TUNAR: variants seen among roughly 807,000 people sequenced by gnomAD.
The protein encoded by TUNAR is protein TUNAR.
intron 2 of TUNAR, among the ~76,000 whole-genome samples, chr14:95,885,926 AT>A (rs941292871): frequency 1.3e-5 from 2 of 152,004 alleles, no homozygotes; most frequent in African/African-American, 4.8e-5. Context: ...GCTTGTCTGT[AT>A]CTGTTGTCTG....
At chr14:95,898,452 G>A (rs1566788139) in intron 2 of TUNAR, among the ~76,000 whole-genome samples, 2 of 152,156 alleles carry the variant, frequency 1.3e-5, no homozygotes, top group South Asian at 2.1e-4. Flanking sequence ...TAATGGAACT[G>A]ATTGTTTTAA....
At chr14:95,877,169 C>G (rs1888900974) in exon 2 of TUNAR, 1 of 152,302 alleles carries the variant, frequency 6.6e-6, no homozygotes, top group African/African-American at 2.4e-5. Context: ...CCTCCGGATG[C>G]GCTTCTCGGT....
chr14:95,887,038 G>C lies in TUNAR; in HGVS notation c.12+9861G>C, dbSNP rs146833866. The stretch of plus-strand genomic sequence containing the variant: ...AATTTAGTAGCAAGTTATCAGAGCA[G>C]ATTAGAATGGTTGTCAGGATCTGGG... On this transcript the variant is annotated intron_variant, in intron 2 of 2. Transcript: ENST00000678517. 1.9e-4 allele frequency among the ~76,000 whole-genome samples: 29 copies of C among 152,312 alleles called. No homozygotes were observed. The East Asian group carries it at 5.4e-3, about 28-fold the overall frequency.
At chr14:95,903,911 T>C (rs1188780948) in intron 2 of TUNAR, among the ~76,000 whole-genome samples, 1 of 151,896 alleles carries the variant, frequency 6.6e-6, no homozygotes, top group East Asian at 1.9e-4. Flanking sequence ...CTCAGGGGAG[T>C]TGGATACTGG....
intron 2 of TUNAR, among the ~76,000 whole-genome samples, chr14:95,899,315 G>C (rs948928690): frequency 2.0e-5 from 3 of 152,102 alleles, no homozygotes; most frequent in African/African-American, 2.4e-5. Flanking sequence ...TCCACTCCCA[G>C]GTATCCCACA....
chr14:95,922,254 C>T (rs1712248990), intron 2 of TUNAR, among the ~76,000 whole-genome samples: 1 of 152,202 alleles, frequency 6.6e-6, no homozygotes, highest in Non-Finnish European at 1.5e-5. Context: ...AGACCCTTTA[C>T]CATCCTGCCT....
intron 2 of TUNAR, among the ~76,000 whole-genome samples, chr14:95,901,812 ATGAAG>A (rs923373675): frequency 6.6e-6 from 1 of 152,188 alleles, no homozygotes; most frequent in African/African-American, 2.4e-5. Context: ...TTTGATGAAA[ATGAAG>A]TGTAGGGTAC....
At chr14:95,922,162 T>G (rs559650518) in intron 2 of TUNAR, among the ~76,000 whole-genome samples, 4 of 152,340 alleles carry the variant, frequency 2.6e-5, no homozygotes, top group African/African-American at 9.6e-5. Context: ...GCCTGGAAAC[T>G]TTCTGGAATG....
chr14:95,899,720 T>C (rs1889319701), intron 2 of TUNAR, among the ~76,000 whole-genome samples: 1 of 152,092 alleles, frequency 6.6e-6, no homozygotes, highest in Non-Finnish European at 1.5e-5. Context: ...GAGAGCTGTC[T>C]TCTGGGGTCC....
intron 2 of TUNAR, among the ~76,000 whole-genome samples, chr14:95,883,654 G>T (rs1301583109): frequency 6.6e-6 from 1 of 152,178 alleles, no homozygotes; most frequent in East Asian, 1.9e-4. Context: ...TGGGGCTGGT[G>T]GGGAGAGCCC....
intron 2 of TUNAR, among the ~76,000 whole-genome samples, chr14:95,896,788 GTA>G: frequency 6.6e-6 from 1 of 152,236 alleles, no homozygotes. Context: ...CGGCAGCAGA[GTA>G]CTCTGCAGTT....
At chr14:95,906,480 T>C (rs566622413) in intron 2 of TUNAR, among the ~76,000 whole-genome samples, 9 of 152,262 alleles carry the variant, frequency 5.9e-5, no homozygotes, top group Non-Finnish European at 1.3e-4. Flanking sequence ...TATTTAATTC[T>C]AGTATACACT....
intron 2 of TUNAR, among the ~76,000 whole-genome samples, chr14:95,884,464 A>T (rs1323181227): frequency 6.6e-6 from 1 of 152,278 alleles, no homozygotes; most frequent in East Asian, 1.9e-4. Context: ...CTGTCTTGCC[A>T]CTATGCTGAA....
intron 2 of TUNAR, among the ~76,000 whole-genome samples, chr14:95,892,928 A>G (rs1470109198): frequency 6.6e-6 from 1 of 152,208 alleles, no homozygotes; most frequent in Non-Finnish European, 1.5e-5. Flanking sequence ...GTGCAGGGAT[A>G]GGTGGCCATG....
At chr14:95,921,742 C>T (rs1889700586) in intron 2 of TUNAR, among the ~76,000 whole-genome samples, 1 of 152,154 alleles carries the variant, frequency 6.6e-6, no homozygotes, top group Non-Finnish European at 1.5e-5. Context: ...GCTAATCATT[C>T]CATTACTTTT....
chr14:95,907,810 C>T (rs1198532045), intron 2 of TUNAR, among the ~76,000 whole-genome samples: 1 of 152,192 alleles, frequency 6.6e-6, no homozygotes, highest in African/African-American at 2.4e-5. Flanking sequence ...CTCCTCTTTG[C>T]AGCTGAGTCT....
intron 2 of TUNAR, among the ~76,000 whole-genome samples, chr14:95,881,265 A>G (rs1203466534): frequency 6.6e-6 from 1 of 152,226 alleles, no homozygotes; most frequent in East Asian, 1.9e-4. Context: ...TCGATTTCCA[A>G]AAAGATTCCT....
At chr14:95,891,411 T>C (rs1307356097) in intron 2 of TUNAR, among the ~76,000 whole-genome samples, 1 of 152,200 alleles carries the variant, frequency 6.6e-6, no homozygotes, top group Non-Finnish European at 1.5e-5. Context: ...ACAAGAGCCC[T>C]GCGATTCATA....
At chr14:95,923,465 T>G (rs76433196) in exon 3 of TUNAR, 2,847 of 152,630 alleles carry the variant, frequency 0.019, 105 homozygotes, top group East Asian at 0.13. Context: ...TATTTGATAC[T>G]GGGGAGATAA....
Sources: gnomAD v4.1 joint callset for allele counts (sites outside exome capture counted in the v4.1 genomes callset) on GRCh38, gnomAD v4.1.1 for gene constraint, MANE v1.5 for transcripts, NCBI Gene and HGNC (gene_info 2026-07-23, HGNC 2026-07-21) for gene names.